Variants in IRS1 observed in about 807,000 individuals in gnomAD.
The protein encoded by IRS1 is insulin receptor substrate 1.
Under a neutral mutation model 65.6 loss-of-function variants are expected in IRS1, and 34 were observed. The ratio of observed to expected loss-of-function variants is 0.52; its 90% CI spans 0.39 to 0.69. IRS1 has a LOEUF of 0.69. Ranked by LOEUF, IRS1 falls within the 30% of genes least tolerant of loss-of-function variation. The pLI is 0.00. For synonymous variants in IRS1, 699 were observed against 683.5 expected (o/e 1.02, Z -0.35); for missense variants, 1,641 against 1,720.2 (o/e 0.95, Z 0.81).
intron 1 of IRS1, among the ~76,000 whole-genome samples, chr2:226,761,877 T>A (rs970127428): frequency 6.6e-6 from 1 of 152,204 alleles, no homozygotes; most frequent in African/African-American, 2.4e-5. Flanking sequence ...GGTTGCCAGG[T>A]GGCATTATGT....
rs111716782 is a variant in IRS1 at position 226,736,895 on chromosome 2, G to A, written c.*22-645C>T. 6.1e-3 allele frequency among the ~76,000 whole-genome samples: 929 copies of A among 152,118 alleles called. 7 individuals carry two copies. The highest frequency in any genetic ancestry group is 0.021 in the African/African-American group (873 of 41,510). On this transcript the variant is annotated intron_variant, in intron 1 of 1. Transcript: ENST00000305123. ...GCAAGTCAAGAAGGTAAATTTTAAA[G>A]GGTCACTATCCGTGATTCCCCTTCA...
At chr2:226,741,825 ACAT>A (rs1193523924) in intron 1 of IRS1, among the ~76,000 whole-genome samples, 181 of 132,232 alleles carry the variant, frequency 1.4e-3, no homozygotes, top group African/African-American at 4.6e-3. Flanking sequence ...ACACACACAC[ACAT>A]AACACACACA....
chr2:226,781,093 T>C (rs1408415910), intron 1 of IRS1, among the ~76,000 whole-genome samples: 1 of 152,168 alleles, frequency 6.6e-6, no homozygotes. Context: ...ACTGCTTCCA[T>C]CATCCTTCAT....
intron 1 of IRS1, among the ~76,000 whole-genome samples, chr2:226,764,183 A>C (rs868654012): frequency 6.6e-6 from 1 of 151,780 alleles, no homozygotes; most frequent in African/African-American, 2.4e-5. Flanking sequence ...CTGCACTGCT[A>C]TGGTGTATGT....
intron 1 of IRS1, among the ~76,000 whole-genome samples, chr2:226,774,833 C>A (rs976236257): frequency 2.6e-5 from 4 of 152,116 alleles, no homozygotes; most frequent in Non-Finnish European, 2.9e-5. Context: ...ACGAAGCCAG[C>A]CTGATAAGAA....
Position 226,796,854 on chromosome 2 carries a change from T to A in IRS1, c.1885A>T (p.Ser629Cys). ...GGGCTCATGGGCATATAGTCTCCACTGCCCTTTCGGCCACTGGGCACTGGG... is the reference window on the plus strand; with the variant it reads ...GGGCTCATGGGCATATAGTCTCCACAGCCCTTTCGGCCACTGGGCACTGGG... ...VAPVPSGRKG[S>C]GDYMPMSPKS... The change falls in exon 1 of 2, where the codon AGT becomes TGT. Residue 629 changes from serine (S) to cysteine (C), a missense_variant. Ser to Cys is a moderately radical substitution (Grantham distance 112, BLOSUM62 -1). This residue lies in a region of IRS1 where 1,324 missense variants were observed against 1,361.0 expected (regional missense o/e 0.97). Transcript: ENST00000305123. 1 of 1,543,378 alleles carries A rather than the reference T, an allele frequency of 6.5e-7. No individual in the cohort carries two copies.
intron 1 of IRS1, among the ~76,000 whole-genome samples, chr2:226,763,498 G>A (rs558323405): frequency 2.0e-5 from 3 of 152,234 alleles, no homozygotes; most frequent in South Asian, 2.1e-4. Context: ...AAAATGAAAC[G>A]AGCAATCCAG....
At chr2:226,770,396 C>A (rs1939139459) in intron 1 of IRS1, among the ~76,000 whole-genome samples, 1 of 152,198 alleles carries the variant, frequency 6.6e-6, no homozygotes, top group African/African-American at 2.4e-5. Flanking sequence ...CCTAATTTTT[C>A]CTAAGAGTAC....
At chr2:226,749,180 T>C (rs994130902) in intron 1 of IRS1, among the ~76,000 whole-genome samples, 12 of 152,220 alleles carry the variant, frequency 7.9e-5, no homozygotes, top group Non-Finnish European at 1.8e-4. Flanking sequence ...AAGCTTTTTT[T>C]CCCCATTAAA....
chr2:226,762,941 G>A (rs1938947044), intron 1 of IRS1, among the ~76,000 whole-genome samples: 1 of 152,172 alleles, frequency 6.6e-6, no homozygotes, highest in Admixed American at 6.6e-5. Context: ...AGCGTTAACA[G>A]GCGTGCATTT....
intron 1 of IRS1, among the ~76,000 whole-genome samples, chr2:226,745,068 T>C (rs571581565): frequency 1.3e-5 from 2 of 152,350 alleles, no homozygotes; most frequent in African/African-American, 4.8e-5. Context: ...CTCATTTGCT[T>C]TACCTGAAGA....
Position 226,798,194 on chromosome 2 carries a change from A to T in IRS1, c.545T>A (p.Ile182Asn), listed in dbSNP as rs768780393. ...GLGQTKNLIG[I>N]YRLCLTSKTI... ...CTTGCTGGTCAGGCAAAGGCGGTAG[A>T]TACCAATCAGGTTCTTTGTCTGACC... Residue 182 changes from isoleucine (I) to asparagine (N), a missense_variant, in exon 1 of 2, where the codon ATC becomes AAC. Ile to Asn is a moderately radical substitution (Grantham distance 149). Around this residue, in one of 3 missense-constraint regions of IRS1, gnomAD observed 77 missense variants for 129.6 expected, o/e 0.59. Coordinates refer to ENST00000305123, the MANE Select transcript of IRS1 (RefSeq NM_005544.3). This position sits in a 1 kb window ranked among gnomAD's most constrained non-coding sequence, Gnocchi z 9.4. 1.2e-6 allele frequency: 2 copies of T among 1,613,978 alleles called. No homozygotes were observed. The highest frequency in any genetic ancestry group is 3.3e-5 in the Admixed American group (2 of 60,028).
In IRS1 at chr2:226,797,306, G is replaced by A. The variant is rs748059205; in HGVS notation, c.1433C>T (p.Ala478Val). The A allele has an allele frequency of 1.9e-6, 3 of 1,613,530 alleles. No homozygotes were observed. The highest frequency in any genetic ancestry group is 1.7e-6 in the Non-Finnish European group (2 of 1,180,000). The part of the protein sequence containing the change: ...MGGKGPSTLT[A>V]PNGHYILSRG... Reference sequence around the variant, plus strand: ...AGACAAAATGTAGTGACCGTTGGGGGCGGTCAGGGTGGAGGGCCCCTTGCC... The same window carrying A: ...AGACAAAATGTAGTGACCGTTGGGGACGGTCAGGGTGGAGGGCCCCTTGCC... The change falls in exon 1 of 2, where the codon GCC (alanine) becomes GTC (valine). Residue 478 changes from alanine to valine, a missense_variant. Physicochemically the swap from Ala to Val is moderately conservative, Grantham distance 64. Transcript: ENST00000305123. This position sits in a 1 kb window ranked among gnomAD's most constrained non-coding sequence, Gnocchi z 8.1.
intron 1 of IRS1, among the ~76,000 whole-genome samples, chr2:226,786,027 AATG>A (rs1939481174): frequency 6.7e-6 from 1 of 150,076 alleles, no homozygotes; most frequent in Non-Finnish European, 1.5e-5. Flanking sequence ...GTTTGCTGAG[AATG>A]ATGATTTCCA....
Position 226,798,874 on chromosome 2 carries a change from C to A in IRS1, c.-136G>T, listed in dbSNP as rs1012760421. ...GCAGAAACCCCGACTCTGAAATCCA[C>A]GCCGCCCCCCGCGCCGGGGAGGGGC... On this transcript the variant is annotated 5_prime_UTR_variant, in exon 1 of 2. Transcript: ENST00000305123. This position sits in a 1 kb window ranked among gnomAD's most constrained non-coding sequence, Gnocchi z 9.4. The A allele has an allele frequency of 2.6e-6, 4 of 1,521,552 alleles. No individual in the cohort carries two copies. Among genetic ancestry groups the A allele is most frequent in the Non-Finnish European group, 3.5e-6 (4 of 1,131,390 alleles). The allele number at this position is 1,521,552 out of a possible 1,614,324, so 94.3% of individuals were successfully genotyped here.
chr2:226,756,606 G>C (rs1260905110), intron 1 of IRS1, among the ~76,000 whole-genome samples: 3 of 152,148 alleles, frequency 2.0e-5, no homozygotes, highest in Admixed American at 1.3e-4. Context: ...GTGACCTAAG[G>C]CTCAGGGATT....
intron 1 of IRS1, among the ~76,000 whole-genome samples, chr2:226,759,951 G>A (rs1938881441): frequency 6.6e-6 from 1 of 152,196 alleles, no homozygotes; most frequent in African/African-American, 2.4e-5. Context: ...GAGGCAGGCA[G>A]ATCGCTTGAG....
intron 1 of IRS1, among the ~76,000 whole-genome samples, chr2:226,738,806 G>T (rs1176170505): frequency 1.3e-5 from 2 of 152,176 alleles, no homozygotes; most frequent in African/African-American, 4.8e-5. Context: ...AGGCAGGAAG[G>T]CCACACTTTA....
At chr2:226,761,524 T>G (rs368287309) in intron 1 of IRS1, among the ~76,000 whole-genome samples, 1 of 152,208 alleles carries the variant, frequency 6.6e-6, no homozygotes, top group African/African-American at 2.4e-5. Flanking sequence ...TATATTCCTC[T>G]GTTTCTTTCT....
Sources: allele counts gnomAD v4.1 joint callset (sites outside exome capture counted in the v4.1 genomes callset), GRCh38; gene constraint gnomAD v4.1.1; regional missense constraint gnomAD v4.1.1; non-coding constraint Gnocchi (gnomAD v3.1); transcripts MANE v1.5; gene names NCBI Gene and HGNC (gene_info 2026-07-23, HGNC 2026-07-21).